DOP1B: variants seen among roughly 807,000 people sequenced by gnomAD.
The protein encoded by DOP1B is protein DOP1B.
A neutral mutation model predicts 233.5 loss-of-function variants in DOP1B; 174 were observed. That is an observed-to-expected ratio of 0.75 (90% CI 0.66 to 0.85). The LOEUF (loss-of-function observed/expected upper bound fraction) is 0.85. DOP1B is among the 40% of genes least tolerant of loss of function. DOP1B has a pLI of 0.00. For missense variants in DOP1B, 2,652 were observed against 2,846.6 expected (o/e 0.93, Z 1.56); for synonymous variants, 1,190 against 1,185.6 (o/e 1.00, Z -0.08).
intron 2 of DOP1B, chr21:36,168,937 A>T: frequency 6.6e-6 from 4 of 602,956 alleles, no homozygotes; most frequent in East Asian, 3.1e-5. Flanking sequence ...ACTTTTATTG[A>T]GACCCCACCA....
chr21:36,219,281 C>A (rs1458597544), intron 9 of DOP1B, 91 bp from the exon 10 acceptor site: 1 of 1,482,844 alleles, frequency 6.7e-7, no homozygotes. Context: ...CACAGGTTTA[C>A]TGTATATATG....
In DOP1B at chr21:36,260,734, T is replaced by C; in HGVS notation, c.5315+2T>C. 6.2e-7 allele frequency: 1 copy of C among 1,614,044 alleles called. No homozygotes were observed. Among genetic ancestry groups the C allele is most frequent in the Non-Finnish European group, 8.5e-7 (1 of 1,180,004 alleles). ...GTTTTGCTATGCTTTTCTCCAAAGG[T>C]AATACAGTCCCCCGTCCTCCAAAAA... On this transcript the variant is annotated splice_donor_variant, in intron 24 of 36. Transcript: ENST00000691173. LOFTEE classifies it high-confidence loss of function.
chr21:36,169,493 C>A, intron 2 of DOP1B: 1 of 1,108,192 alleles, frequency 9.0e-7, no homozygotes, highest in Non-Finnish European at 1.4e-6. Context: ...ACTGGTGACC[C>A]CTTTGTAGCC....
In DOP1B at chr21:36,200,466, G is replaced by T; in HGVS notation, c.456G>T (p.Leu152=). The stretch of plus-strand genomic sequence containing the variant: ...TGCAGGCCTTCATCGTGGGCCTGCT[G>T]CCCGGCCTTGAAGAGGGCTCCGAGA... ...PSLQAFIVGL[L]PGLEEGSEIS... The change falls in exon 4 of 37, where the codon CTG becomes CTT. Residue 152 remains leucine, a synonymous_variant. Coordinates refer to ENST00000691173, the MANE Select transcript of DOP1B (RefSeq NM_001320714.2). 6.2e-7 allele frequency: 1 copy of T among 1,612,046 alleles called. No individual in the cohort carries two copies.
At chr21:36,278,811 G>A (rs1302490341) in intron 30 of DOP1B, among the ~76,000 whole-genome samples, 1 of 152,248 alleles carries the variant, frequency 6.6e-6, no homozygotes, top group Non-Finnish European at 1.5e-5. Flanking sequence ...GAAGCTTGCA[G>A]TGAGTCAAGA....
At chr21:36,276,588 C>T (rs2067351534) in intron 27 of DOP1B, among the ~76,000 whole-genome samples, 2 of 151,926 alleles carry the variant, frequency 1.3e-5, no homozygotes, top group Admixed American at 6.6e-5. Context: ...CGCCTGTAAT[C>T]TCAGCACTTT....
chr21:36,159,477 A>G (rs541276070), intron 1 of DOP1B, among the ~76,000 whole-genome samples: 1 of 152,316 alleles, frequency 6.6e-6, no homozygotes, highest in African/African-American at 2.4e-5. Flanking sequence ...AAACAAATGC[A>G]TGCATAAATG....
chr21:36,259,974 C>T (rs752150585), intron 23 of DOP1B, among the ~76,000 whole-genome samples: 1 of 151,892 alleles, frequency 6.6e-6, no homozygotes, highest in Non-Finnish European at 1.5e-5. Flanking sequence ...TTTGGGGAAG[C>T]TGTCTGAGCT....
intron 26 of DOP1B, among the ~76,000 whole-genome samples, chr21:36,266,580 C>A (rs1264429729): frequency 6.6e-6 from 1 of 150,640 alleles, no homozygotes; most frequent in African/African-American, 2.5e-5. Flanking sequence ...GGGCACCACC[C>A]TCTAGGAACC....
At chr21:36,204,414 C>T (rs1447756466) in intron 4 of DOP1B, among the ~76,000 whole-genome samples, 3 of 152,166 alleles carry the variant, frequency 2.0e-5, no homozygotes, top group Non-Finnish European at 4.4e-5. Flanking sequence ...GAGGGGAAGA[C>T]GTACCCTCTT....
intron 2 of DOP1B, among the ~76,000 whole-genome samples, chr21:36,197,279 A>G (rs998780111): frequency 2.0e-5 from 3 of 152,118 alleles, no homozygotes; most frequent in African/African-American, 7.2e-5. Flanking sequence ...TTGAGAATTC[A>G]CTTAGACCAC....
At chr21:36,223,049 T>C (rs962735141) in intron 10 of DOP1B, among the ~76,000 whole-genome samples, 182 bp from the exon 11 acceptor site, 2 of 152,216 alleles carry the variant, frequency 1.3e-5, no homozygotes, top group Admixed American at 6.5e-5. Flanking sequence ...AATATAAATA[T>C]TGTTTACGAT....
intron 32 of DOP1B, among the ~76,000 whole-genome samples, chr21:36,285,874 T>G (rs7281458): frequency 0.65 from 97,821 of 151,162 alleles, 32,262 homozygotes; most frequent in African/African-American, 0.79. Flanking sequence ...TGAGCATGGT[T>G]TCAGGCGCCT....
intron 4 of DOP1B, among the ~76,000 whole-genome samples, chr21:36,206,149 A>C (rs1475104582): frequency 6.6e-6 from 1 of 152,156 alleles, no homozygotes; most frequent in Non-Finnish European, 1.5e-5. Context: ...CTCTCATACC[A>C]AAGGTTTGTC....
chr21:36,258,497 C>A lies in DOP1B; in HGVS notation c.5260-2180C>A, dbSNP rs561985162. The stretch of plus-strand genomic sequence containing the variant: ...GGCACATATCACGCATGTGCGTGAA[C>A]ACCCAATCATCACACTAATGAACTG... On this transcript the variant is annotated intron_variant, in intron 23 of 36. Transcript: ENST00000691173. 5.9e-5 allele frequency among the ~76,000 whole-genome samples: 9 copies of A among 152,168 alleles called. No homozygotes were observed. In the South Asian group the frequency reaches 1.9e-3, roughly 32 times the overall value.
chr21:36,169,575 G>A (rs2123402227), intron 2 of DOP1B: 1 of 1,069,940 alleles, frequency 9.3e-7, no homozygotes, highest in Non-Finnish European at 1.4e-6. Flanking sequence ...GGTACCTGCT[G>A]CTGTAGCCCC....
intron 23 of DOP1B, among the ~76,000 whole-genome samples, chr21:36,259,156 AG>A (rs1243264890): frequency 2.6e-5 from 4 of 151,700 alleles, no homozygotes; most frequent in African/African-American, 7.3e-5. Flanking sequence ...TAGTAGAGAC[AG>A]GGTTTCACCG....
At chr21:36,233,444 T>C (rs1162043866) in intron 15 of DOP1B, among the ~76,000 whole-genome samples, 3 of 152,094 alleles carry the variant, frequency 2.0e-5, no homozygotes, top group African/African-American at 7.2e-5. Context: ...GGCCTGCCCC[T>C]CCCAGGAGGT....
At chr21:36,168,418 T>G (rs1052962731) in intron 2 of DOP1B, among the ~76,000 whole-genome samples, 1 of 152,176 alleles carries the variant, frequency 6.6e-6, no homozygotes, top group African/African-American at 2.4e-5. Flanking sequence ...AAACGCTATG[T>G]TTAACTTACT....
Sources: allele counts gnomAD v4.1 joint callset (sites outside exome capture counted in the v4.1 genomes callset), GRCh38; gene constraint gnomAD v4.1.1; transcripts MANE v1.5; gene names NCBI Gene and HGNC (gene_info 2026-07-23, HGNC 2026-07-21).